Variants in CDK12 observed in about 807,000 individuals in gnomAD.
CDK12 encodes cyclin dependent kinase 12.
In CDK12, 17 loss-of-function variants were observed where a neutral mutation model predicts 133.8. That is an observed-to-expected ratio of 0.13 (90% CI 0.09 to 0.19). The LOEUF (loss-of-function observed/expected upper bound fraction) is 0.19, where lower values mean the gene tolerates loss of function less well. Ranked by LOEUF, CDK12 falls within the 10% of genes least tolerant of loss-of-function variation. CDK12 has a pLI of 1.00. For synonymous variants in CDK12, 694 were observed against 683.6 expected (o/e 1.02, Z -0.24); for missense variants, 1,508 against 1,818.7 (o/e 0.83, Z 3.11).
intron 5 of CDK12, among the ~76,000 whole-genome samples, chr17:39,498,904 T>C (rs1238660482): frequency 0.57 from 23 of 40 alleles, 6 homozygotes; most frequent in African/African-American, 0.65. Flanking sequence ...TCTTTCTTTC[T>C]TTCTTTCTTT....
At position 39,532,101 on chromosome 17, in the gene CDK12, TTTCTCTCTCTCTC is replaced by T. The variant is rs2054883628; in HGVS notation, c.*787_*799del. 1.1e-5 allele frequency: 2 copies of T among 181,990 alleles called. No individual in the cohort carries two copies. Among genetic ancestry groups the T allele is most frequent in the African/African-American group, 2.9e-5 (1 of 34,800 alleles). The allele number at this position is 181,990 out of a possible 1,614,324, so 11.3% of individuals were successfully genotyped here. Reference sequence around the variant, plus strand: ...TGCTGATGTGTGCTCTCTCTCTCTCTTTCTCTCTCTCTCTCTCTCTCTCTCTCTCTCTCTCTCT... The same window carrying T: ...TGCTGATGTGTGCTCTCTCTCTCTCTTCTCTCTCTCTCTCTCTCTCTCTCT... On this transcript the variant is annotated 3_prime_UTR_variant, in exon 14 of 14. Transcript: ENST00000447079.
rs1441463152 is a variant in CDK12, at chr17:39,481,625, GCT to G, written c.1932-8930_1932-8929del. On this transcript the variant is annotated intron_variant, in intron 2 of 13. Coordinates refer to ENST00000447079, the MANE Select transcript of CDK12 (RefSeq NM_016507.4). ...GCGCCCAGCACTTATGTGCTTGCTC[GCT>G]CGCGCGCTCTCTCTCTCTCTCTCTC... is the stretch of plus-strand genomic sequence containing the variant. 8.4e-4 allele frequency among the ~76,000 whole-genome samples: 85 copies of G among 100,694 alleles called. 4 individuals are homozygous for G. The highest frequency in any genetic ancestry group is 2.9e-3 in the African/African-American group (78 of 26,832). 66.1% of individuals were successfully genotyped at this position (100,694 alleles called of 152,430 possible).
In CDK12 at chr17:39,534,096, T is replaced by G; in HGVS notation, c.*2780T>G. 1 of 232,816 alleles carries G rather than the reference T, an allele frequency of 4.3e-6. No individual in the cohort carries two copies. The highest frequency in any genetic ancestry group is 8.5e-6 in the Non-Finnish European group (1 of 117,698). 14.4% of individuals were successfully genotyped at this position (232,816 alleles called of 1,614,324 possible). On this transcript the variant is annotated 3_prime_UTR_variant, in exon 14 of 14. Coordinates refer to ENST00000447079, the MANE Select transcript of CDK12 (RefSeq NM_016507.4). ...TTTGACCGTGATCATTTTTGTGGTT[T>G]TGAAAACAAATATACTTGACCCAGT... is the stretch of plus-strand genomic sequence containing the variant.
chr17:39,551,725 T>C (rs1432751712), intron 2 of CDK12, among the ~76,000 whole-genome samples: 1 of 152,156 alleles, frequency 6.6e-6, no homozygotes, highest in Non-Finnish European at 1.5e-5. Flanking sequence ...GTAGTGTTGA[T>C]GTACACTGGA....
At chr17:39,539,791 T>C (rs1263611850) in intron 1 of CDK12, among the ~76,000 whole-genome samples, 3 of 152,186 alleles carry the variant, frequency 2.0e-5, no homozygotes, top group Non-Finnish European at 4.4e-5. Context: ...CAGAAACAAT[T>C]ATTTGAAAAT....
intron 2 of CDK12, among the ~76,000 whole-genome samples, chr17:39,480,080 C>G (rs1242681670): frequency 6.6e-6 from 1 of 151,772 alleles, no homozygotes. Flanking sequence ...CCCGCCATCA[C>G]GCCTAGCTAA....
At chr17:39,487,607 A>AT (rs887590343) in intron 2 of CDK12, among the ~76,000 whole-genome samples, 9,539 of 96,374 alleles carry the variant, frequency 0.099, 1,310 homozygotes, top group Non-Finnish European at 0.12. Flanking sequence ...GCATGACACA[A>AT]TTTTTTTTTT....
At chr17:39,538,684 G>A (rs2055257199), downstream of CDK12, among the ~76,000 whole-genome samples, 2 of 152,170 alleles carry the variant, frequency 1.3e-5, no homozygotes, top group Non-Finnish European at 2.9e-5. Flanking sequence ...GGATCACGAG[G>A]TCAGGAGATC....
At chr17:39,521,998 C>T (rs1307154684) in intron 11 of CDK12, among the ~76,000 whole-genome samples, 3 of 152,128 alleles carry the variant, frequency 2.0e-5, no homozygotes, top group Non-Finnish European at 4.4e-5. Flanking sequence ...ACATGCTTGG[C>T]CTCCCTCTGG....
At chr17:39,488,288 C>T (rs1225879173) in intron 2 of CDK12, among the ~76,000 whole-genome samples, 4 of 151,830 alleles carry the variant, frequency 2.6e-5, no homozygotes, top group Non-Finnish European at 5.9e-5. Flanking sequence ...GGAAACCTAT[C>T]TTTCTACAAA....
At chr17:39,540,516 A>C (rs2055356375) in intron 1 of CDK12, among the ~76,000 whole-genome samples, 1 of 152,034 alleles carries the variant, frequency 6.6e-6, no homozygotes, top group South Asian at 2.1e-4. Context: ...ATGCTATCCT[A>C]CTCTGGATCT....
intron 5 of CDK12, among the ~76,000 whole-genome samples, chr17:39,499,475 C>G (rs1262242229): frequency 6.7e-6 from 1 of 149,244 alleles, no homozygotes; most frequent in Non-Finnish European, 1.5e-5. Flanking sequence ...TCCCAAAGTG[C>G]TGGGATTACA....
At chr17:39,463,268 T>G (rs1363808610) in intron 1 of CDK12, 151 bp downstream of exon 1, 1 of 724,116 alleles carries the variant, frequency 1.4e-6, no homozygotes, top group Non-Finnish European at 2.3e-6. Flanking sequence ...TGAATCTGTC[T>G]CCCCTTAACC....
chr17:39,481,631 G>GCT (rs1318524226), intron 2 of CDK12, among the ~76,000 whole-genome samples: 1 of 34,310 alleles, frequency 2.9e-5, no homozygotes, highest in African/African-American at 7.5e-5. Context: ...GCTCGCTCGC[G>GCT]CGCTCTCTCT....
chr17:39,522,575 A>T (rs1383690927), intron 11 of CDK12, among the ~76,000 whole-genome samples: 2 of 152,066 alleles, frequency 1.3e-5, no homozygotes, highest in Non-Finnish European at 2.9e-5. Context: ...GCTGGATTAC[A>T]GGAGCCCGGC....
At chr17:39,515,362 C>T (rs1435262431) in intron 8 of CDK12, among the ~76,000 whole-genome samples, 3 of 152,204 alleles carry the variant, frequency 2.0e-5, no homozygotes, top group Non-Finnish European at 4.4e-5. Context: ...TAGAAACTAA[C>T]TGCAGAGAGC....
At position 39,526,271 on chromosome 17, in the gene CDK12, C is replaced by G; in HGVS notation, c.3715C>G (p.Gln1239Glu). 1 of 1,605,952 alleles carries G rather than the reference C, an allele frequency of 6.2e-7. No individual in the cohort carries two copies. ...CAACAGTGACAAGAACAGTGGGCCACAGGGGCCCCGAAGAACTCCCACAAT... is the reference window on the plus strand; with the variant it reads ...CAACAGTGACAAGAACAGTGGGCCAGAGGGGCCCCGAAGAACTCCCACAAT... ...ENNSDKNSGPQGPRRTPTMPQ... is the reference protein window; with the variant it reads ...ENNSDKNSGPEGPRRTPTMPQ... The change falls in exon 13 of 14, where the codon CAG becomes GAG. Residue 1239 changes from glutamine (Q) to glutamate (E), a missense_variant. By Grantham distance (29) the Gln-to-Glu change is conservative (BLOSUM62 2). Around this residue, in one of 9 missense-constraint regions of CDK12, gnomAD observed 399 missense variants for 469.6 expected, o/e 0.85. Transcript: ENST00000447079.
At chr17:39,552,944 G>T (rs1208785130) in intron 2 of CDK12, among the ~76,000 whole-genome samples, 3 of 152,130 alleles carry the variant, frequency 2.0e-5, no homozygotes, top group African/African-American at 7.2e-5. Context: ...GGCCAGGCTG[G>T]TCTCAAACTC....
At chr17:39,475,630 C>G (rs11078902) in intron 2 of CDK12, among the ~76,000 whole-genome samples, 95,138 of 150,252 alleles carry the variant, frequency 0.63, 32,821 homozygotes, top group South Asian at 0.89. Flanking sequence ...ACTGCAAACT[C>G]CATCTCCCAG....
Sources: gnomAD v4.1 joint callset for allele counts (sites outside exome capture counted in the v4.1 genomes callset) on GRCh38, gnomAD v4.1.1 for gene constraint, gnomAD v4.1.1 regional missense constraint, MANE v1.5 for transcripts, NCBI Gene and HGNC (gene_info 2026-07-23, HGNC 2026-07-21) for gene names.